The following SBF1 variants were observed in gnomAD, a reference collection of about 807,000 sequenced individuals.
The protein encoded by SBF1 is SET binding factor 1.
Under a neutral mutation model 215.8 loss-of-function variants are expected in SBF1, and 65 were observed. That is an observed-to-expected ratio of 0.30 (90% confidence interval 0.25 to 0.37). The LOEUF (loss-of-function observed/expected upper bound fraction) is 0.37. Among genes scored for constraint, SBF1 ranks in the 10% least tolerant of loss-of-function variants. SBF1 has a pLI of 1.00. For missense variants in SBF1, 2,634 were observed against 2,667.8 expected (o/e 0.99, Z 0.28); for synonymous variants, 1,410 against 1,122.8 (o/e 1.26, Z -5.11).
intron 1 of SBF1, among the ~76,000 whole-genome samples, chr22:50,472,932 T>A (rs575650045): frequency 6.6e-6 from 1 of 152,292 alleles, no homozygotes; most frequent in South Asian, 2.1e-4. Context: ...CCAACCCTAC[T>A]GCAGTGGACC....
Position 50,461,237 on chromosome 22 carries a change from C to T in SBF1, c.2889G>A (p.Lys963=). 1 of 1,613,400 alleles carries T rather than the reference C, an allele frequency of 6.2e-7. No homozygotes were observed. The highest frequency in any genetic ancestry group is 8.5e-7 in the Non-Finnish European group (1 of 1,179,650). The change falls in exon 23 of 41, where the codon AAG becomes AAA. Residue 963 remains lysine (K), a synonymous_variant. Transcript: ENST00000380817. ...GGGTCTGGACGCTGATGCGCTTCTC[C>T]TTGGTCAGCGCAGCCACCGGGAAGG... ...VRSFPVAALT[K]EKRISVQTPV... is the part of the protein sequence containing the mutation.
Position 50,465,083 on chromosome 22 carries a change from A to C in SBF1, c.1250T>G (p.Met417Arg). Residue 417 changes from methionine (M) to arginine (R), a missense_variant, in exon 12 of 41, where the codon ATG (methionine) becomes AGG (arginine). Transcript: ENST00000380817. ...AAAGGCCATGCCCTCCAGCACCTTC[A>C]TCAGGAAATCGTCCTCTACCAGCCC... ...QRGLVEDDFL[M>R]KVLEGMAFAG... 1 of 1,614,098 alleles carries C rather than the reference A, an allele frequency of 6.2e-7. No individual in the cohort carries two copies. Among genetic ancestry groups the C allele is most frequent in the Non-Finnish European group, 8.5e-7 (1 of 1,180,008 alleles).
At chr22:50,449,625 A>AACACACACACACACACACAC (rs59541336) in intron 36 of SBF1, among the ~76,000 whole-genome samples, 4 of 146,856 alleles carry the variant, frequency 2.7e-5, no homozygotes, top group African/African-American at 5.1e-5. Flanking sequence ...AAAACACACA[A>AACACACACACACACACACAC]ACACACACAC....
rs2066882222 is a variant in SBF1, at chr22:50,447,552, G to A, written c.5421C>T (p.Arg1807=). The part of the protein sequence containing the change: ...KGAFMKPWKA[R]WFVLDKTKHQ... The stretch of plus-strand genomic sequence containing the variant: ...GCTTGGTCTTGTCCAGCACGAACCA[G>A]CGGGCCTTCCAAGGCTTCATGAAGG... The change falls in exon 39 of 41, where the codon CGC becomes CGT. Residue 1807 remains arginine, a synonymous_variant. Transcript: ENST00000380817. The A allele has an allele frequency of 6.2e-7, 1 of 1,612,864 alleles. No individual in the cohort carries two copies. The highest frequency in any genetic ancestry group is 8.5e-7 in the Non-Finnish European group (1 of 1,179,740).
rs1439257050 is a variant in SBF1 at position 50,474,905 on chromosome 22, G to T, written c.-65C>A. 1.7e-6 allele frequency: 2 copies of T among 1,164,794 alleles called. No homozygotes were observed. Among genetic ancestry groups the T allele is most frequent in the African/African-American group, 1.7e-5 (1 of 60,146 alleles). The allele number at this position is 1,164,794 out of a possible 1,614,324, so 72.2% of individuals were successfully genotyped here. A position where few individuals can be genotyped will look rare whatever the true frequency, so the allele number is the denominator to read the frequency against. ...TCCGCGGCTCGGGGACTCGAGGACG[G>T]CGCGCTCATGGCCCGGCCCCGGCCC... On this transcript the variant is annotated 5_prime_UTR_variant, in exon 1 of 41. Coordinates refer to ENST00000380817, the MANE Select transcript of SBF1 (RefSeq NM_002972.4).
intron 28 of SBF1, 126 bp from the exon 29 acceptor site, chr22:50,457,237 C>T (rs2067291470): frequency 1.4e-6 from 1 of 692,526 alleles, no homozygotes; most frequent in Admixed American, 4.2e-5. Flanking sequence ...AGGGGTCAGC[C>T]CCAAGTCCCT....
At chr22:50,452,424 A>T (rs924545294) in intron 36 of SBF1, among the ~76,000 whole-genome samples, 5 of 152,178 alleles carry the variant, frequency 3.3e-5, no homozygotes, top group African/African-American at 1.2e-4. Context: ...TTGACTATTT[A>T]AAACAAAAAC....
intron 5 of SBF1, 155 bp from the exon 6 acceptor site, chr22:50,466,865 C>G (rs988821761): frequency 1.7e-6 from 1 of 599,390 alleles, no homozygotes; most frequent in Non-Finnish European, 3.0e-6. Flanking sequence ...AACGCCATGC[C>G]CTGCCTCTGT....
intron 29 of SBF1, among the ~76,000 whole-genome samples, 176 bp downstream of exon 29, chr22:50,456,858 G>C (rs1244578574): frequency 6.6e-6 from 1 of 152,184 alleles, no homozygotes; most frequent in Admixed American, 6.5e-5. Flanking sequence ...GTGGCAGCCA[G>C]TGTTAGTTTC....
chr22:50,463,766 G>A (rs539258259), intron 15 of SBF1, among the ~76,000 whole-genome samples: 41 of 152,310 alleles, frequency 2.7e-4, no homozygotes, highest in African/African-American at 9.6e-4. Flanking sequence ...GCACAGGCCC[G>A]GCCACAGAAA....
rs745462049 is a variant in SBF1 at position 50,448,274 on chromosome 22, G to A, written c.5322C>T (p.Ser1774=). 3 of 1,613,188 alleles carry A rather than the reference G, an allele frequency of 1.9e-6. No homozygotes were observed. The highest frequency in any genetic ancestry group is 1.1e-5 in the South Asian group (1 of 91,040). Reference sequence around the variant, plus strand: ...CTGTCTGGAACTGGCTGTACAGGGTGCTGGTGCTGCGGCGGGCAGCCTGAC... The same window carrying A: ...CTGTCTGGAACTGGCTGTACAGGGTACTGGTGCTGCGGCGGGCAGCCTGAC... ...GSRQAARRST[S]TLYSQFQTAE... is the part of the protein sequence containing the mutation. Residue 1774 remains serine, a synonymous_variant, in exon 38 of 41, where the codon AGC becomes AGT. Transcript: ENST00000380817.
At chr22:50,471,911 T>C (rs1429441163) in intron 1 of SBF1, among the ~76,000 whole-genome samples, 1 of 152,182 alleles carries the variant, frequency 6.6e-6, no homozygotes, top group Non-Finnish European at 1.5e-5. Context: ...AAGGTCTTTT[T>C]CTCAGATCCA....
Position 50,466,257 on chromosome 22 carries a change from A to G in SBF1, c.790T>C (p.Phe264Leu), listed in dbSNP as rs2067748037. 2.5e-6 allele frequency: 4 copies of G among 1,613,512 alleles called. No individual in the cohort carries two copies. The highest frequency in any genetic ancestry group is 2.7e-5 in the African/African-American group (2 of 75,056). Reference protein sequence around the residue: ...LALLFPLRYSFTYVPILPAQL... With the variant: ...LALLFPLRYSLTYVPILPAQL... ...GCCGGCAGGATGGGCACATAGGTGA[A>G]GCTGTGCAGGCCCCAGAGGATGCAG... Residue 264 changes from phenylalanine to leucine, a missense_variant and splice_region_variant, in exon 8 of 41, where the codon TTC (phenylalanine) becomes CTC (leucine). Transcript: ENST00000380817.
At chr22:50,454,352 G>T (rs374432377) in intron 36 of SBF1, among the ~76,000 whole-genome samples, 160 bp downstream of exon 36, 1 of 152,140 alleles carries the variant, frequency 6.6e-6, no homozygotes, top group Non-Finnish European at 1.5e-5. Context: ...CCCCAGGCCA[G>T]TAGGCAGTTC....
chr22:50,473,423 AC>A (rs1481849056), intron 1 of SBF1, among the ~76,000 whole-genome samples: 1 of 152,184 alleles, frequency 6.6e-6, no homozygotes, highest in Admixed American at 6.5e-5. Context: ...TTGACAGCCA[AC>A]CTGCACAGTG....
intron 36 of SBF1, among the ~76,000 whole-genome samples, chr22:50,449,625 A>ACACACACAC (rs1556417419): frequency 1.5e-3 from 217 of 146,952 alleles, no homozygotes; most frequent in Non-Finnish European, 2.5e-3. Flanking sequence ...AAAACACACA[A>ACACACACAC]ACACACACAC....
rs959959068 is a variant in SBF1 at position 50,447,169 on chromosome 22, C to G, written c.5655G>C (p.Arg1885=). 1 of 1,613,030 alleles carries G rather than the reference C, an allele frequency of 6.2e-7. No individual in the cohort carries two copies. The highest frequency in any genetic ancestry group is 1.1e-5 in the South Asian group (1 of 91,032). The part of the protein sequence containing the change: ...DVPSAQQWVD[R]IQSCLSDA ...AGGCGTCCGACAGGCAGCTCTGGAT[C>G]CGGTCCACCCACTGCTGGGCCGAGG... is the stretch of plus-strand genomic sequence containing the variant. Residue 1885 remains arginine (R), a synonymous_variant, in exon 41 of 41, where the codon CGG becomes CGC. Coordinates refer to ENST00000380817, the MANE Select transcript of SBF1 (RefSeq NM_002972.4).
rs1338397883 is a variant in SBF1, at chr22:50,445,595, G to GTCCTT, written c.*1542_*1546dup. On this transcript the variant is annotated 3_prime_UTR_variant, in exon 41 of 41. Coordinates refer to ENST00000380817, the MANE Select transcript of SBF1 (RefSeq NM_002972.4). ...ACAGACGTGGAACAGGGAGGGCAGG[G>GTCCTT]TCCTTTCTCCCCTTACTCTGACCTG... 2 of 152,336 alleles carry GTCCTT rather than the reference G, an allele frequency of 1.3e-5. No individual in the cohort carries two copies. Among genetic ancestry groups the GTCCTT allele is most frequent in the African/African-American group, 2.4e-5 (1 of 41,452 alleles). 9.4% of individuals were successfully genotyped at this position (152,336 alleles called of 1,614,324 possible).
At chr22:50,470,080 C>T (rs1338448440) in intron 1 of SBF1, among the ~76,000 whole-genome samples, 2 of 151,794 alleles carry the variant, frequency 1.3e-5, no homozygotes, top group Non-Finnish European at 2.9e-5. Flanking sequence ...TACCTCCACA[C>T]CCCCAAGGAC....
Sources: allele counts gnomAD v4.1 joint callset (sites outside exome capture counted in the v4.1 genomes callset), GRCh38; gene constraint gnomAD v4.1.1; transcripts MANE v1.5; gene names NCBI Gene and HGNC (gene_info 2026-07-23, HGNC 2026-07-21).